The following SYTL2 variants were observed in gnomAD, a reference collection of about 807,000 sequenced individuals.
SYTL2 encodes the protein synaptotagmin like 2, also known as synaptotagmin-like protein 2.
In SYTL2, 165 loss-of-function variants were observed where a neutral mutation model predicts 198.7. That is an observed-to-expected ratio of 0.83 (90% CI 0.73 to 0.94). SYTL2 has a LOEUF of 0.94. Ranked by LOEUF, SYTL2 falls within the 40% of genes least tolerant of loss-of-function variation. The pLI, the probability that SYTL2 is intolerant of heterozygous loss-of-function variation, is 0.00. For synonymous variants in SYTL2, 966 were observed against 917.7 expected (o/e 1.05, Z -0.95); for missense variants, 2,835 against 2,582.8 (o/e 1.10, Z -2.12).
At position 85,725,646 on chromosome 11, in the gene SYTL2, C is replaced by T. The variant is rs566310078; in HGVS notation, c.3712G>A (p.Gly1238Arg). The change falls in exon 8 of 20, where the codon GGA (glycine) becomes AGA (arginine). Residue 1238 changes from glycine to arginine, a missense_variant. By Grantham distance (125) the Gly-to-Arg change is moderately radical. Around this residue, in one of 3 missense-constraint regions of SYTL2, gnomAD observed 2,645 missense variants for 2,381.7 expected, o/e 1.11. Transcript: ENST00000359152. ...LQAKLAPVIT[G>R]TNSKLEEGRF... ...CCCTCTTCCAGCTTAGAGTTGGTTC[C>T]AGTGATAACAGGCGCCAACTTGGCT... is the stretch of plus-strand genomic sequence containing the variant. 11 of 1,614,092 alleles carry T rather than the reference C, an allele frequency of 6.8e-6. No individual in the cohort carries two copies. The South Asian group carries it at 1.2e-4, about 18-fold the overall frequency.
intron 2 of SYTL2, among the ~76,000 whole-genome samples, chr11:85,752,873 T>A (rs1485040616): frequency 8.2e-6 from 1 of 122,122 alleles, no homozygotes. Flanking sequence ...AAAAACACCA[T>A]GAGAGGTCCT....
intron 1 of SYTL2, among the ~76,000 whole-genome samples, chr11:85,786,688 C>T (rs2092641273): frequency 1.3e-5 from 2 of 152,184 alleles, no homozygotes; most frequent in Non-Finnish European, 2.9e-5. Flanking sequence ...ACTTAACCAC[C>T]TCCACAGAGC....
intron 1 of SYTL2, among the ~76,000 whole-genome samples, chr11:85,780,676 C>T (rs1032201061): frequency 2.6e-5 from 4 of 152,194 alleles, no homozygotes; most frequent in African/African-American, 7.2e-5. Flanking sequence ...TCATCCATAT[C>T]CTTTGCAATA....
At chr11:85,847,249 T>A in the SYTL2 span, among the ~76,000 whole-genome samples, 9 of 152,284 alleles carry the variant, frequency 5.9e-5, no homozygotes, top group Admixed American at 2.6e-4. Flanking sequence ...CTCAGGGCCA[T>A]CACTGATCTG....
the SYTL2 span, among the ~76,000 whole-genome samples, chr11:85,825,161 G>C: frequency 2.0e-5 from 3 of 152,108 alleles, no homozygotes; most frequent in African/African-American, 7.2e-5. Context: ...GGCCGAGGCG[G>C]GCGGATCACG....
chr11:85,708,903 T>C (rs539478562), intron 14 of SYTL2, among the ~76,000 whole-genome samples: 1 of 127,830 alleles, frequency 7.8e-6, no homozygotes, highest in East Asian at 2.5e-4. Flanking sequence ...TGGAGTGCAG[T>C]GGCCCGATCT....
At chr11:85,777,279 G>A (rs2092467795) in intron 1 of SYTL2, among the ~76,000 whole-genome samples, 1 of 152,146 alleles carries the variant, frequency 6.6e-6, no homozygotes, top group African/African-American at 2.4e-5. Flanking sequence ...GGCTAACATG[G>A]GGTTAAGAAC....
the SYTL2 span, among the ~76,000 whole-genome samples, chr11:85,852,213 A>C: frequency 6.6e-6 from 1 of 152,256 alleles, no homozygotes; most frequent in Non-Finnish European, 1.5e-5. Flanking sequence ...CAAGAATGCC[A>C]AACAGGTGAC....
At chr11:85,797,034 A>AT (rs890005315) in intron 1 of SYTL2, among the ~76,000 whole-genome samples, 138 of 151,788 alleles carry the variant, frequency 9.1e-4, no homozygotes, top group African/African-American at 3.2e-3. Flanking sequence ...ATAAAAAAAA[A>AT]TTTTAAATGA....
At chr11:85,722,069 GT>G (rs1591727231) in intron 8 of SYTL2, among the ~76,000 whole-genome samples, 11 of 151,472 alleles carry the variant, frequency 7.3e-5, no homozygotes, top group Admixed American at 4.6e-4. Flanking sequence ...AATAATTTAG[GT>G]TAGAGTATAT....
chr11:85,708,885 G>A (rs1212120937), intron 14 of SYTL2, among the ~76,000 whole-genome samples: 8 of 109,854 alleles, frequency 7.3e-5, no homozygotes, highest in Middle Eastern at 0.011. Flanking sequence ...TCACTCTGTC[G>A]CCCAGGCTGG....
chr11:85,852,047 A>T, the SYTL2 span, among the ~76,000 whole-genome samples: 1 of 152,288 alleles, frequency 6.6e-6, no homozygotes, highest in African/African-American at 2.4e-5. Flanking sequence ...ACAATGATTA[A>T]TTTTTGTATA....
the SYTL2 span, among the ~76,000 whole-genome samples, chr11:85,837,534 A>G: frequency 1.3e-5 from 2 of 152,194 alleles, no homozygotes; most frequent in Non-Finnish European, 2.9e-5. Flanking sequence ...CTATCAGAAG[A>G]ATATACTTCC....
At position 85,695,256 on chromosome 11, in the gene SYTL2, T is replaced by C. The variant is rs763507309; in HGVS notation, c.6659A>G (p.Asn2220Ser). The part of the protein sequence containing the change: ...ALWEKMVNSP[N>S]TWIEATLPLR... ...AGGCAGTGTTGCTTCAATCCAAGTATTGGGGGAGTTTACCATCTTCTCCCA... is the reference window on the plus strand; with the variant it reads ...AGGCAGTGTTGCTTCAATCCAAGTACTGGGGGAGTTTACCATCTTCTCCCA... The change falls in exon 20 of 20, where the codon AAT becomes AGT. Residue 2220 changes from asparagine to serine, a missense_variant. Transcript: ENST00000359152. The C allele has an allele frequency of 3.1e-5, 50 of 1,612,846 alleles. No individual in the cohort carries two copies. The highest frequency in any genetic ancestry group is 2.2e-4 in the East Asian group (10 of 44,846).
chr11:85,778,071 G>A lies in SYTL2; in HGVS notation c.-389-19957C>T, dbSNP rs541094698. The stretch of plus-strand genomic sequence containing the variant: ...TGACCTCAGGTGATCTGCCCGCCTC[G>A]GCCTCCCAAACTGCTGGGATTACAG... On this transcript the variant is annotated intron_variant, in intron 1 of 19. Transcript: ENST00000359152. Among the ~76,000 whole-genome samples, 8 of 152,038 alleles carry A rather than the reference G, an allele frequency of 5.3e-5. 1 individual carries two copies. The South Asian group carries it at 1.0e-3, about 20-fold the overall frequency.
At chr11:85,805,212 C>T (rs996891464) in intron 1 of SYTL2, among the ~76,000 whole-genome samples, 4 of 151,394 alleles carry the variant, frequency 2.6e-5, no homozygotes, top group Admixed American at 6.6e-5. Flanking sequence ...GAAAAAGGGC[C>T]GAGTGTGGTG....
At chr11:85,822,874 G>A in the SYTL2 span, among the ~76,000 whole-genome samples, 3 of 152,130 alleles carry the variant, frequency 2.0e-5, no homozygotes, top group Admixed American at 2.0e-4. Flanking sequence ...GAGGATGGAG[G>A]TGCAAAAAGC....
At chr11:85,778,652 G>C (rs1376003157) in intron 1 of SYTL2, among the ~76,000 whole-genome samples, 2 of 152,218 alleles carry the variant, frequency 1.3e-5, no homozygotes, top group Non-Finnish European at 2.9e-5. Context: ...TAGTGAAGAG[G>C]AGTAGCATAG....
chr11:85,716,623 T>C (rs1165854123), intron 11 of SYTL2: 8 of 152,006 alleles, frequency 5.3e-5, no homozygotes, highest in Admixed American at 1.3e-4. Flanking sequence ...GGTAGACATG[T>C]GTATCATTAT....
Sources: gnomAD v4.1 joint callset for allele counts (sites outside exome capture counted in the v4.1 genomes callset) on GRCh38, gnomAD v4.1.1 for gene constraint, gnomAD v4.1.1 regional missense constraint, MANE v1.5 for transcripts, NCBI Gene and HGNC (gene_info 2026-07-23, HGNC 2026-07-21) for gene names.